The following HIPK2 variants were observed in gnomAD, a reference collection of about 807,000 sequenced individuals.
HIPK2 encodes the protein homeodomain-interacting protein kinase 2.
Under a neutral mutation model 113.7 loss-of-function variants are expected in HIPK2, and 27 were observed. The ratio of observed to expected loss-of-function variants is 0.24; its 90% confidence interval spans 0.17 to 0.33. The LOEUF (loss-of-function observed/expected upper bound fraction) is 0.33. HIPK2 is among the 10% of genes least tolerant of loss of function. The probability of loss-of-function intolerance (pLI) is 1.00; values close to 1 mark genes in which losing one functional copy is unlikely to be tolerated. For missense variants in HIPK2, 1,257 were observed against 1,588.0 expected (o/e 0.79, Z 3.54); for synonymous variants, 631 against 642.2 (o/e 0.98, Z 0.26).
chr7:139,596,673 C>CCCT, intron 12 of HIPK2, 44 bp downstream of exon 12: 1 of 1,592,800 alleles, frequency 6.3e-7, no homozygotes, highest in Non-Finnish European at 8.6e-7. Context: ...ACAATGCAAA[C>CCCT]CCTCCCGGCT....
chr7:139,777,543 C>G, intron 1 of HIPK2, 62 bp downstream of exon 1: 1 of 835,652 alleles, frequency 1.2e-6, no homozygotes, highest in South Asian at 5.4e-5. Flanking sequence ...GCGGGCAGAA[C>G]AAAGCTGCGG....
At chr7:139,706,406 G>A (rs1222948974) in intron 2 of HIPK2, among the ~76,000 whole-genome samples, 1 of 152,188 alleles carries the variant, frequency 6.6e-6, no homozygotes. Flanking sequence ...CTGGGCATGC[G>A]AGGGTTTCCG....
At chr7:139,760,648 AC>A (rs1796447813) in intron 1 of HIPK2, among the ~76,000 whole-genome samples, 1 of 152,204 alleles carries the variant, frequency 6.6e-6, no homozygotes, top group Non-Finnish European at 1.5e-5. Flanking sequence ...ATTTTTCCAT[AC>A]CAGAAAAAGG....
Position 139,563,902 on chromosome 7 carries a change from G to C in HIPK2, c.*9025C>G. The stretch of plus-strand genomic sequence containing the variant: ...CCTCTGCAGTTTGGTGGTGGCACAA[G>C]AGAAAACATAAAAGAAACCAAGACT... On this transcript the variant is annotated 3_prime_UTR_variant, in exon 15 of 15. Transcript: ENST00000406875. 1 of 398,632 alleles carries C rather than the reference G, an allele frequency of 2.5e-6. No individual in the cohort carries two copies. The highest frequency in any genetic ancestry group is 4.4e-6 in the Non-Finnish European group (1 of 226,074). 24.7% of individuals were successfully genotyped at this position (398,632 alleles called of 1,614,324 possible).
At position 139,572,906 on chromosome 7, in the gene HIPK2, T is replaced by A; in HGVS notation, c.*21A>T. On this transcript the variant is annotated 3_prime_UTR_variant, in exon 15 of 15. Coordinates refer to ENST00000406875, the MANE Select transcript of HIPK2 (RefSeq NM_022740.5). ...TCGGGCCATTCTCTCCCTCCCTCCCTCCCTCCCTCCCCTCCAGTGTTTATA... is the reference window on the plus strand; with the variant it reads ...TCGGGCCATTCTCTCCCTCCCTCCCACCCTCCCTCCCCTCCAGTGTTTATA... 34 of 193,654 alleles carry A rather than the reference T, an allele frequency of 1.8e-4. No individual in the cohort carries two copies. The highest frequency in any genetic ancestry group is 3.1e-4 in the Non-Finnish European group (31 of 100,122). 12.0% of individuals were successfully genotyped at this position (193,654 alleles called of 1,614,324 possible).
At chr7:139,682,583 G>A (rs1323538087) in intron 2 of HIPK2, among the ~76,000 whole-genome samples, 2 of 152,148 alleles carry the variant, frequency 1.3e-5, no homozygotes, top group African/African-American at 2.4e-5. Context: ...GTGCTTGACT[G>A]CTCCTCAAGA....
intron 2 of HIPK2, among the ~76,000 whole-genome samples, chr7:139,681,718 G>GA (rs1802706716): frequency 6.6e-6 from 1 of 152,148 alleles, no homozygotes; most frequent in African/African-American, 2.4e-5. Flanking sequence ...GCACTCCTGG[G>GA]AAAAATATTC....
rs117043704 is a variant in HIPK2 at position 139,682,523 on chromosome 7, G to A, written c.1103+33409C>T. Among the ~76,000 whole-genome samples, 1,068 of 152,226 alleles carry A rather than the reference G, an allele frequency of 7.0e-3. 10 individuals carry two copies. Among genetic ancestry groups the A allele is most frequent in the Non-Finnish European group, 9.3e-3 (630 of 68,010 alleles). ...AGCTTTCCCTCATCCCTCCCGCTGC[G>A]TGCCTGTGCCCTCCTCTGGGTCCCT... On this transcript the variant is annotated intron_variant, in intron 2 of 14. Coordinates refer to ENST00000406875, the MANE Select transcript of HIPK2 (RefSeq NM_022740.5).
In HIPK2 at chr7:139,583,787, G is replaced by A. The variant is rs747561991; in HGVS notation, c.2965+30C>T. 3.1e-6 allele frequency: 5 copies of A among 1,599,066 alleles called. No individual in the cohort carries two copies. The African/African-American group carries it at 4.0e-5, about 13-fold the overall frequency. On this transcript the variant is annotated intron_variant, in intron 13 of 14. Coordinates refer to ENST00000406875, the MANE Select transcript of HIPK2 (RefSeq NM_022740.5). ...GCAGGAAAACCACTCTCCAGGGAGA[G>A]GTTCCTGCCCTGTCCTGGCCCCAAA...
At chr7:139,577,731 G>A (rs1798538287) in intron 13 of HIPK2, among the ~76,000 whole-genome samples, 1 of 152,176 alleles carries the variant, frequency 6.6e-6, no homozygotes, top group South Asian at 2.1e-4. Flanking sequence ...CAGGCAGATG[G>A]TCCCCCACCA....
At chr7:139,766,121 A>C (rs1796548991) in intron 1 of HIPK2, among the ~76,000 whole-genome samples, 1 of 152,226 alleles carries the variant, frequency 6.6e-6, no homozygotes, top group Non-Finnish European at 1.5e-5. Flanking sequence ...CTCTGGACTC[A>C]GACTGCCTGG....
rs184021241 is a variant in HIPK2 at position 139,716,438 on chromosome 7, G to A, written c.597C>T (p.Tyr199=). ...HEVLCSMTNT[Y]EVLEFLGRGT... Reference sequence around the variant, plus strand: ...CTCGGCCCAAGAACTCTAAGACCTCGTAGGTGTTGGTCATGGAGCACAGCA... The same window carrying A: ...CTCGGCCCAAGAACTCTAAGACCTCATAGGTGTTGGTCATGGAGCACAGCA... Residue 199 remains tyrosine, a synonymous_variant, in exon 2 of 15, where the codon TAC becomes TAT. Coordinates refer to ENST00000406875, the MANE Select transcript of HIPK2 (RefSeq NM_022740.5). The surrounding 1 kb of genome is among the most constrained non-coding windows in gnomAD (Gnocchi z 9.3). 76 of 1,613,958 alleles carry A rather than the reference G, an allele frequency of 4.7e-5. 2 individuals carry two copies. The Admixed American group carries it at 6.0e-4, about 13-fold the overall frequency.
intron 2 of HIPK2, among the ~76,000 whole-genome samples, chr7:139,702,179 G>A (rs1794728348): frequency 6.6e-6 from 1 of 152,176 alleles, no homozygotes; most frequent in African/African-American, 2.4e-5. Flanking sequence ...CAGCCTGATC[G>A]TAAGCTCAGT....
At chr7:139,671,580 C>T (rs1449900229) in intron 2 of HIPK2, among the ~76,000 whole-genome samples, 4 of 151,952 alleles carry the variant, frequency 2.6e-5, no homozygotes, top group Admixed American at 2.6e-4. Context: ...GACAGAGTCT[C>T]TCGCTGTGCC....
intron 1 of HIPK2, among the ~76,000 whole-genome samples, chr7:139,764,542 A>G (rs1796521719): frequency 6.6e-6 from 1 of 152,254 alleles, no homozygotes; most frequent in African/African-American, 2.4e-5. Context: ...GAACAGCAGT[A>G]TATTTCAGGG....
chr7:139,724,676 A>T (rs6605558), intron 1 of HIPK2, among the ~76,000 whole-genome samples: 4 of 104,036 alleles, frequency 3.8e-5, no homozygotes, highest in East Asian at 3.2e-4. Flanking sequence ...TGCTATCCCT[A>T]CCCCCTCCCC....
At chr7:139,718,849 C>A (rs1474937058) in intron 1 of HIPK2, among the ~76,000 whole-genome samples, 1 of 152,198 alleles carries the variant, frequency 6.6e-6, no homozygotes, top group Non-Finnish European at 1.5e-5. Flanking sequence ...CCTCCTCTCA[C>A]CTGTGATCAA....
At chr7:139,636,226 C>T (rs1318288781) in intron 2 of HIPK2, among the ~76,000 whole-genome samples, 2 of 151,934 alleles carry the variant, frequency 1.3e-5, no homozygotes, top group African/African-American at 4.8e-5. Context: ...ATCGCTTGCT[C>T]CCCATATCTG....
At chr7:139,584,691 T>C (rs1335247894) in intron 12 of HIPK2, among the ~76,000 whole-genome samples, 2 of 152,068 alleles carry the variant, frequency 1.3e-5, no homozygotes, top group African/African-American at 2.4e-5. Flanking sequence ...ACTTTGAGTG[T>C]GCTCTGTGGG....
Sources: allele counts gnomAD v4.1 joint callset (sites outside exome capture counted in the v4.1 genomes callset), GRCh38; gene constraint gnomAD v4.1.1; non-coding constraint Gnocchi (gnomAD v3.1); transcripts MANE v1.5; gene names NCBI Gene and HGNC (gene_info 2026-07-23, HGNC 2026-07-21).